The following P2RY2 variants were observed in gnomAD, a reference collection of about 807,000 sequenced individuals.
The protein encoded by P2RY2 is purinergic receptor P2Y2.
For synonymous variants in P2RY2, 241 were observed against 231.9 expected (o/e 1.04, Z -0.35); for missense variants, 567 against 515.7 (o/e 1.10, Z -0.96).
At position 73,235,478 on chromosome 11, in the gene P2RY2, C is replaced by G. The variant is rs900443102; in HGVS notation, c.*185C>G. On this transcript the variant is annotated 3_prime_UTR_variant, in exon 3 of 3. Transcript: ENST00000393597. ...GGTCCAGAGTCAACTGTTCCCATAA[C>G]CCCTAGTCATCGTTTGTGTGTATAA... is the stretch of plus-strand genomic sequence containing the variant. 2 of 1,343,324 alleles carry G rather than the reference C, an allele frequency of 1.5e-6. No homozygotes were observed. The highest frequency in any genetic ancestry group is 1.9e-6 in the Non-Finnish European group (2 of 1,045,134). The allele number at this position is 1,343,324 out of a possible 1,614,324, so 83.2% of individuals were successfully genotyped here.
chr11:73,219,054 AC>A (rs1164973860), intron 1 of P2RY2, among the ~76,000 whole-genome samples: 1 of 152,044 alleles, frequency 6.6e-6, no homozygotes, highest in South Asian at 2.1e-4. Flanking sequence ...CCACCCCCCA[AC>A]CCGAAGGCTG....
rs1293998535 is a variant in P2RY2 at position 73,235,337 on chromosome 11, T to A, written c.*44T>A. 3.3e-6 allele frequency: 5 copies of A among 1,515,166 alleles called. No individual in the cohort carries two copies. Among genetic ancestry groups the A allele is most frequent in the Non-Finnish European group, 3.5e-6 (4 of 1,131,704 alleles). The allele number at this position is 1,515,166 out of a possible 1,614,324, so 93.9% of individuals were successfully genotyped here. ...TGTGCAGGTTTATATTGGGAAGCTG[T>A]AGAGGACCAGGACTTGTGCAGACGC... On this transcript the variant is annotated 3_prime_UTR_variant, in exon 3 of 3. Transcript: ENST00000393597.
chr11:73,232,142 G>A (rs1316003719), intron 2 of P2RY2, among the ~76,000 whole-genome samples: 1 of 152,132 alleles, frequency 6.6e-6, no homozygotes, highest in Non-Finnish European at 1.5e-5. Context: ...CTCTTCATCT[G>A]CCCTTTCCAC....
At chr11:73,233,171 T>A (rs1233860649) in intron 2 of P2RY2, among the ~76,000 whole-genome samples, 2 of 152,234 alleles carry the variant, frequency 1.3e-5, no homozygotes, top group African/African-American at 2.4e-5. Context: ...CCAACCCAGA[T>A]TTCCCTGGAC....
intron 1 of P2RY2, among the ~76,000 whole-genome samples, chr11:73,224,443 C>G (rs1862218312): frequency 6.6e-6 from 1 of 152,222 alleles, no homozygotes; most frequent in Admixed American, 6.5e-5. Context: ...CCCTCATCAC[C>G]CCTCCAATCC....
chr11:73,225,666 T>TTTAGCCTCTCTGAGTC (rs369904708), intron 1 of P2RY2, among the ~76,000 whole-genome samples: 322 of 152,048 alleles, frequency 2.1e-3, no homozygotes, highest in African/African-American at 7.3e-3. Context: ...CGTTTGCTAA[T>TTTAGCCTCTCTGAGTC]TCAGGATTCA....
At chr11:73,227,248 G>C (rs1226949107) in intron 1 of P2RY2, among the ~76,000 whole-genome samples, 1 of 152,310 alleles carries the variant, frequency 6.6e-6, no homozygotes, top group South Asian at 2.1e-4. Flanking sequence ...TCCCTGCAAA[G>C]GGCAGGAACT....
chr11:73,229,418 C>A (rs891343602), intron 2 of P2RY2, among the ~76,000 whole-genome samples: 6 of 152,138 alleles, frequency 3.9e-5, no homozygotes, highest in African/African-American at 1.4e-4. Context: ...TCAGGTGGAG[C>A]CGTCTCTAGT....
At chr11:73,223,196 C>T (rs1392665399) in intron 1 of P2RY2, among the ~76,000 whole-genome samples, 1 of 152,184 alleles carries the variant, frequency 6.6e-6, no homozygotes, top group South Asian at 2.1e-4. Flanking sequence ...CCTGGAGGGG[C>T]CATCTCAGAA....
At position 73,235,490 on chromosome 11, in the gene P2RY2, G is replaced by A. The variant is rs188419665; in HGVS notation, c.*197G>A. 2.0e-5 allele frequency: 27 copies of A among 1,323,936 alleles called. No homozygotes were observed. Among genetic ancestry groups the A allele is most frequent in the Middle Eastern group, 2.8e-4 (1 of 3,560 alleles). 82.0% of individuals were successfully genotyped at this position (1,323,936 alleles called of 1,614,324 possible). A position where few individuals can be genotyped will look rare whatever the true frequency, so the allele number is the denominator to read the frequency against. ...ACTGTTCCCATAACCCCTAGTCATC[G>A]TTTGTGTGTATAAGTTGGGGGAATT... On this transcript the variant is annotated 3_prime_UTR_variant, in exon 3 of 3. Coordinates refer to ENST00000393597, the MANE Select transcript of P2RY2 (RefSeq NM_002564.4).
chr11:73,223,304 T>A (rs1314260841), intron 1 of P2RY2, among the ~76,000 whole-genome samples: 2 of 152,066 alleles, frequency 1.3e-5, no homozygotes, highest in East Asian at 3.9e-4. Flanking sequence ...CCCTTCCTGC[T>A]CCTCCTCAAA....
rs776761786 is a variant in P2RY2 at position 73,234,406 on chromosome 11, G to A, written c.247G>A (p.Ala83Thr). The A allele has an allele frequency of 1.2e-6, 2 of 1,614,208 alleles. No individual in the cohort carries two copies. Among genetic ancestry groups the A allele is most frequent in the South Asian group, 1.1e-5 (1 of 91,092 alleles). ...CCTGGCTGTGTCTGATGCACTGTAT[G>A]CGGCCTCCCTGCCGCTGCTGGTCTA... ...FHLAVSDALY[A>T]ASLPLLVYYY... The change falls in exon 3 of 3, where the codon GCG (alanine) becomes ACG (threonine). Residue 83 changes from alanine (A) to threonine (T), a missense_variant. Ala to Thr is a moderately conservative substitution (Grantham distance 58, BLOSUM62 0). Transcript: ENST00000393597.
Position 73,237,112 on chromosome 11 carries a change from G to C in P2RY2, c.*1819G>C, listed in dbSNP as rs1167024725. The C allele has an allele frequency of 1.0e-5, 10 of 985,266 alleles. No homozygotes were observed. In the African/African-American group the frequency reaches 1.7e-4, roughly 17 times the overall value. The allele number at this position is 985,266 out of a possible 1,614,324, so 61.0% of individuals were successfully genotyped here. On this transcript the variant is annotated 3_prime_UTR_variant, in exon 3 of 3. Coordinates refer to ENST00000393597, the MANE Select transcript of P2RY2 (RefSeq NM_002564.4). The stretch of plus-strand genomic sequence containing the variant: ...CTCCACAGCGCCCTCATGTGACAGA[G>C]ACCCATCACAGACCATGACCCAAAT...
At chr11:73,231,519 T>C (rs938366326) in intron 2 of P2RY2, among the ~76,000 whole-genome samples, 1 of 149,530 alleles carries the variant, frequency 6.7e-6, no homozygotes, top group Non-Finnish European at 1.5e-5. Flanking sequence ...ATCACGCCAC[T>C]GCATTCCAGT....
intron 1 of P2RY2, among the ~76,000 whole-genome samples, chr11:73,221,389 C>A (rs1025754917): frequency 3.3e-5 from 5 of 152,200 alleles, no homozygotes; most frequent in African/African-American, 9.7e-5. Flanking sequence ...GTCCACCTGC[C>A]AGCTTAGCCC....
chr11:73,227,598 A>C (rs1862316094), intron 1 of P2RY2, among the ~76,000 whole-genome samples: 1 of 152,170 alleles, frequency 6.6e-6, no homozygotes, highest in Non-Finnish European at 1.5e-5. Context: ...TGGCAGAAGG[A>C]CAATAGAATG....
chr11:73,231,392 C>CAAA (rs201697252), intron 2 of P2RY2, among the ~76,000 whole-genome samples: 2 of 110,536 alleles, frequency 1.8e-5, no homozygotes, highest in African/African-American at 8.7e-5. Flanking sequence ...CTAAAAAATA[C>CAAA]AAAAAAAAAA....
rs1357036078 is a variant in P2RY2, at chr11:73,241,691, G to A, written c.*6398G>A. On this transcript the variant is annotated 3_prime_UTR_variant, in exon 3 of 3. Transcript: ENST00000393597. ...TGAGGACCTTCATCACTCCTCTTCT[G>A]GGTCCCTCTCTCCTCTAGGTGTTGG... The A allele has an allele frequency of 6.6e-6, 1 of 152,158 alleles. No homozygotes were observed. Among genetic ancestry groups the A allele is most frequent in the African/African-American group, 2.4e-5 (1 of 41,392 alleles). 9.4% of individuals were successfully genotyped at this position (152,158 alleles called of 1,614,324 possible).
chr11:73,236,422 C>T lies in P2RY2; in HGVS notation c.*1129C>T, dbSNP rs886756725. 9 of 454,890 alleles carry T rather than the reference C, an allele frequency of 2.0e-5. No homozygotes were observed. In the Admixed American group the frequency reaches 3.2e-4, roughly 16 times the overall value. The allele number at this position is 454,890 out of a possible 1,614,324, so 28.2% of individuals were successfully genotyped here. ...ACTCTAGCACACCACTGGATAATGC[C>T]GAGTGGCTGGGGCTGTGAGCCAGGG... On this transcript the variant is annotated 3_prime_UTR_variant, in exon 3 of 3. Transcript: ENST00000393597.
Sources: gnomAD v4.1 joint callset for allele counts (sites outside exome capture counted in the v4.1 genomes callset) on GRCh38, gnomAD v4.1.1 for gene constraint, MANE v1.5 for transcripts, NCBI Gene and HGNC (gene_info 2026-07-23, HGNC 2026-07-21) for gene names.